The following SPATA17 variants were observed in gnomAD, a reference collection of about 807,000 sequenced individuals.
SPATA17 encodes the protein spermatogenesis associated 17.
Under a neutral mutation model 62.2 loss-of-function variants are expected in SPATA17, and 53 were observed. That is an observed-to-expected ratio of 0.85 (90% CI 0.68 to 1.07). The LOEUF is 1.07. Ranked by LOEUF, SPATA17 falls within the 50% of genes least tolerant of loss-of-function variation. The pLI is 0.00. For missense variants in SPATA17, 466 were observed against 425.5 expected (o/e 1.10, Z -0.84); for synonymous variants, 146 against 146.8 (o/e 0.99, Z 0.04).
chr1:217,716,181 A>G, intron 5 of SPATA17, among the ~76,000 whole-genome samples: 1 of 152,220 alleles, frequency 6.6e-6, no homozygotes, highest in East Asian at 1.9e-4. Context: ...CATCTGGGAA[A>G]CACAATACTC....
chr1:217,844,468 G>A (rs185874401), intron 9 of SPATA17, among the ~76,000 whole-genome samples: 1 of 152,140 alleles, frequency 6.6e-6, no homozygotes, highest in African/African-American at 2.4e-5. Flanking sequence ...CTCCTAGTGT[G>A]TTTTAAAAAA....
At chr1:217,798,611 G>T (rs1674215988) in intron 8 of SPATA17, among the ~76,000 whole-genome samples, 1 of 152,148 alleles carries the variant, frequency 6.6e-6, no homozygotes, top group Middle Eastern at 3.2e-3. Context: ...GTGATAATGG[G>T]TGTCCACCTT....
chr1:217,722,685 C>T (rs186624767), intron 5 of SPATA17, among the ~76,000 whole-genome samples: 52 of 152,248 alleles, frequency 3.4e-4, no homozygotes, highest in Admixed American at 9.2e-4. Context: ...TGTCTAAGGA[C>T]TCTGGAACTT....
chr1:217,663,360 G>A (rs1035302337), intron 3 of SPATA17, among the ~76,000 whole-genome samples: 23 of 151,448 alleles, frequency 1.5e-4, no homozygotes, highest in Non-Finnish European at 2.8e-4. Context: ...CGGGAGAATC[G>A]CTTGAACCTG....
intron 6 of SPATA17, among the ~76,000 whole-genome samples, chr1:217,744,702 A>G (rs1365859735): frequency 1.3e-5 from 2 of 152,122 alleles, no homozygotes; most frequent in Admixed American, 1.3e-4. Flanking sequence ...CCAATAAAAT[A>G]ATTATTTTTG....
intron 6 of SPATA17, among the ~76,000 whole-genome samples, chr1:217,755,331 A>G (rs1049808619): frequency 2.6e-4 from 40 of 152,042 alleles, no homozygotes; most frequent in Admixed American, 7.2e-4. Flanking sequence ...TTATTCATAG[A>G]GTATCACAAG....
chr1:217,849,156 G>A (rs1675591017), intron 9 of SPATA17, among the ~76,000 whole-genome samples: 1 of 152,048 alleles, frequency 6.6e-6, no homozygotes, highest in Non-Finnish European at 1.5e-5. Flanking sequence ...CATCTTTTAT[G>A]TTAGATGCTT....
At chr1:217,742,183 T>G (rs1672639985) in intron 6 of SPATA17, 85 bp downstream of exon 6, 2 of 1,512,368 alleles carry the variant, frequency 1.3e-6, no homozygotes, top group East Asian at 4.5e-5. Flanking sequence ...GAATGGGACA[T>G]GACTTGTTGA....
chr1:217,631,906 G>A (rs1669791003), intron 1 of SPATA17, among the ~76,000 whole-genome samples: 1 of 152,142 alleles, frequency 6.6e-6, no homozygotes, highest in African/African-American at 2.4e-5. Context: ...GTATCTGCCG[G>A]GTGTGGTGGC....
At chr1:217,631,559 T>A in intron 1 of SPATA17, 113 bp downstream of exon 1, 1 of 1,072,792 alleles carries the variant, frequency 9.3e-7, no homozygotes, top group Non-Finnish European at 1.4e-6. Flanking sequence ...CATTAAGTAG[T>A]ACCCAATTCT....
intron 9 of SPATA17, among the ~76,000 whole-genome samples, chr1:217,829,276 G>T (rs1298341732): frequency 6.6e-6 from 1 of 151,946 alleles, no homozygotes; most frequent in Non-Finnish European, 1.5e-5. Context: ...AAAAGATCCT[G>T]CCATTTAGCA....
intron 9 of SPATA17, among the ~76,000 whole-genome samples, chr1:217,809,919 T>A (rs1674543350): frequency 1.3e-5 from 2 of 152,230 alleles, no homozygotes. Flanking sequence ...ATTTTAAACA[T>A]GTGTAATGTG....
At chr1:217,825,052 A>T (rs1674957470) in intron 9 of SPATA17, among the ~76,000 whole-genome samples, 1 of 51,596 alleles carries the variant, frequency 1.9e-5, no homozygotes, top group South Asian at 3.5e-4. Flanking sequence ...ATACAAATGT[A>T]TTTATTTATA....
intron 8 of SPATA17, chr1:217,785,005 A>C (rs1290587483): frequency 1.3e-5 from 2 of 152,230 alleles, no homozygotes; most frequent in South Asian, 2.1e-4. Flanking sequence ...TGGAGGGGTC[A>C]GCGGAGTTGG....
At position 217,850,118 on chromosome 1, in the gene SPATA17, A is replaced by C. The variant is rs143044843; in HGVS notation, c.1006-12656A>C. On this transcript the variant is annotated intron_variant, in intron 9 of 10. Transcript: ENST00000366933. Reference sequence around the variant, plus strand: ...GGATGCATTTCTGAGAGGATGAGACAGGGCAAGAAATTCACCACTATCCTA... The same window carrying C: ...GGATGCATTTCTGAGAGGATGAGACCGGGCAAGAAATTCACCACTATCCTA... Among the ~76,000 whole-genome samples the C allele has an allele frequency of 2.2e-3, 342 of 152,256 alleles. 2 individuals are homozygous for C. Among genetic ancestry groups the C allele is most frequent in the African/African-American group, 6.8e-3 (282 of 41,566 alleles).
intron 9 of SPATA17, among the ~76,000 whole-genome samples, chr1:217,841,971 C>T (rs1567446): frequency 0.032 from 4,815 of 151,658 alleles, 112 homozygotes; most frequent in Middle Eastern, 0.066. Flanking sequence ...TTTTATCATA[C>T]TTTATCATGT....
chr1:217,748,743 CAA>C (rs34000760), intron 6 of SPATA17, among the ~76,000 whole-genome samples: 17 of 115,356 alleles, frequency 1.5e-4, no homozygotes, highest in African/African-American at 2.7e-4. Flanking sequence ...GACTCTGACT[CAA>C]AAAAAAAAAA....
chr1:217,813,763 A>G lies in SPATA17; in HGVS notation c.1005+11913A>G, dbSNP rs192409670. 1.4e-4 allele frequency among the ~76,000 whole-genome samples: 21 copies of G among 152,186 alleles called. No homozygotes were observed. In the East Asian group the frequency reaches 3.5e-3, roughly 25 times the overall value. ...AAGGACAGTAGGCTTCAGGAAAAGT[A>G]TAAATTTACATGAATTTTTATTATA... On this transcript the variant is annotated intron_variant, in intron 9 of 10. Transcript: ENST00000366933.
rs534336117 is a variant in SPATA17 at position 217,774,248 on chromosome 1, A to C, written c.520-86A>C. On this transcript the variant is annotated intron_variant, in intron 6 of 10. Transcript: ENST00000366933. ...TTGTAGTTTAAAATATTCTTTAAAC[A>C]TAAGAAAAAATTTCATGGTACAACT... 5.0e-5 allele frequency: 58 copies of C among 1,154,500 alleles called. No homozygotes were observed. In the South Asian group the frequency reaches 7.2e-4, roughly 14 times the overall value. The allele number at this position is 1,154,500 out of a possible 1,614,324, so 71.5% of individuals were successfully genotyped here. A position where few individuals can be genotyped will look rare whatever the true frequency, so the allele number is the denominator to read the frequency against.
Sources: allele counts gnomAD v4.1 joint callset (sites outside exome capture counted in the v4.1 genomes callset), GRCh38; gene constraint gnomAD v4.1.1; transcripts MANE v1.5; gene names NCBI Gene and HGNC (gene_info 2026-07-23, HGNC 2026-07-21).